The following AJAP1 variants were observed in gnomAD, a reference collection of about 807,000 sequenced individuals.
AJAP1 encodes adherens junctions associated protein 1, also known as adherens junction-associated protein 1.
A neutral mutation model predicts 35.0 loss-of-function variants in AJAP1; 5 were observed. The observed-to-expected ratio is 0.14, with a 90% CI of 0.07 to 0.30. The LOEUF is 0.30. Among genes scored for constraint, AJAP1 ranks in the 10% least tolerant of loss-of-function variants. AJAP1 has a pLI of 1.00. For missense variants in AJAP1, 586 were observed against 571.0 expected, an observed-to-expected ratio of 1.03 and a Z score of -0.27; for synonymous variants, 284 against 249.3, an observed-to-expected ratio of 1.14 and a Z score of -1.31.
At chr1:4,678,798 C>T (rs61093582) in intron 1 of AJAP1, among the ~76,000 whole-genome samples, 11,632 of 152,208 alleles carry the variant, frequency 0.076, 617 homozygotes, top group East Asian at 0.22. Flanking sequence ...TCCACCACTG[C>T]GGTCATTTGC....
At chr1:4,778,245 C>G (rs114904319) in intron 5 of AJAP1, among the ~76,000 whole-genome samples, 8 of 152,152 alleles carry the variant, frequency 5.3e-5, no homozygotes, top group Non-Finnish European at 1.0e-4. Flanking sequence ...CCCAGGGAAT[C>G]TCAGGTGGAC....
chr1:4,781,225 C>T (rs1315740660), intron 5 of AJAP1, among the ~76,000 whole-genome samples: 2 of 152,188 alleles, frequency 1.3e-5, no homozygotes, highest in Non-Finnish European at 2.9e-5. Context: ...CCCCTCCTCC[C>T]CAGTCCCAAC....
intron 2 of AJAP1, among the ~76,000 whole-genome samples, chr1:4,735,409 G>C (rs963769123): frequency 6.6e-6 from 1 of 152,186 alleles, no homozygotes; most frequent in Non-Finnish European, 1.5e-5. Context: ...TTGGGCCCCA[G>C]GTTTGGGACT....
chr1:4,767,237 C>T (rs1431646581), intron 2 of AJAP1, among the ~76,000 whole-genome samples: 1 of 152,154 alleles, frequency 6.6e-6, no homozygotes, highest in Non-Finnish European at 1.5e-5. Context: ...TCACCATCAT[C>T]ACCATCACCA....
At chr1:4,666,787 G>A (rs11584497) in intron 1 of AJAP1, among the ~76,000 whole-genome samples, 53,434 of 121,710 alleles carry the variant, frequency 0.44, 13,341 homozygotes, top group African/African-American at 0.56. Context: ...AGAGGGGCCC[G>A]TGAATCACGG....
At chr1:4,750,470 G>A (rs1041592430) in intron 2 of AJAP1, among the ~76,000 whole-genome samples, 2 of 152,202 alleles carry the variant, frequency 1.3e-5, no homozygotes, top group African/African-American at 2.4e-5. Context: ...GAAGTGAAAA[G>A]TGCATGTGGC....
At chr1:4,701,733 T>C (rs1639993492) in intron 1 of AJAP1, among the ~76,000 whole-genome samples, 1 of 152,224 alleles carries the variant, frequency 6.6e-6, no homozygotes, top group Non-Finnish European at 1.5e-5. Context: ...ACTGGTGATG[T>C]GTCTAAATGG....
At chr1:4,703,932 G>T (rs1261243572) in intron 1 of AJAP1, among the ~76,000 whole-genome samples, 1 of 152,198 alleles carries the variant, frequency 6.6e-6, no homozygotes, top group Non-Finnish European at 1.5e-5. Context: ...AGTGCAGGCT[G>T]TCTGCCCTCC....
chr1:4,742,309 C>T (rs548872812), intron 2 of AJAP1, among the ~76,000 whole-genome samples: 1 of 152,166 alleles, frequency 6.6e-6, no homozygotes, highest in Non-Finnish European at 1.5e-5. Context: ...AGTACGGCTT[C>T]GTGATTTTCT....
chr1:4,737,309 A>AC (rs1260631832), intron 2 of AJAP1, among the ~76,000 whole-genome samples: 1 of 151,850 alleles, frequency 6.6e-6, no homozygotes. Flanking sequence ...GAGTCCCTGG[A>AC]CAAGCCCCCG....
rs1388250863 is a variant in AJAP1, at chr1:4,720,015, G to A, written c.829+7316G>A. ...GAACCCTCTGCCCCACCTCTGCCCA[G>A]GAGTGGCCTGCATTGTGGATGTCTA... On this transcript the variant is annotated intron_variant, in intron 2 of 5. Coordinates refer to ENST00000378191, the MANE Select transcript of AJAP1 (RefSeq NM_018836.4). This position sits in a 1 kb window ranked among gnomAD's most constrained non-coding sequence, Gnocchi z 4.4. 6.6e-6 allele frequency among the ~76,000 whole-genome samples: 1 copy of A among 152,186 alleles called. No homozygotes were observed. Among genetic ancestry groups the A allele is most frequent in the Non-Finnish European group, 1.5e-5 (1 of 68,046 alleles).
At chr1:4,773,720 T>C (rs1441260103) in intron 4 of AJAP1, among the ~76,000 whole-genome samples, 1 of 152,184 alleles carries the variant, frequency 6.6e-6, no homozygotes, top group Admixed American at 6.5e-5. Context: ...TCACTGAATA[T>C]GTGGATGTTG....
intron 2 of AJAP1, among the ~76,000 whole-genome samples, chr1:4,756,661 G>A (rs145083791): frequency 6.1e-4 from 93 of 152,300 alleles, no homozygotes; most frequent in East Asian, 3.7e-3. Context: ...GGATTCAGAC[G>A]CTTAGGTTCT....
chr1:4,740,842 G>T (rs1039069684), intron 2 of AJAP1, among the ~76,000 whole-genome samples: 2 of 150,606 alleles, frequency 1.3e-5, no homozygotes, highest in Non-Finnish European at 1.5e-5. Flanking sequence ...TATCTTATGT[G>T]CATTTTATCA....
chr1:4,662,505 A>G (rs1214504564), intron 1 of AJAP1, among the ~76,000 whole-genome samples: 2 of 152,240 alleles, frequency 1.3e-5, no homozygotes, highest in East Asian at 3.9e-4. Context: ...GGTTGTTGGC[A>G]TGTTGGGGCT....
chr1:4,740,710 C>T (rs1325723658), intron 2 of AJAP1, among the ~76,000 whole-genome samples: 3 of 132,376 alleles, frequency 2.3e-5, no homozygotes, highest in South Asian at 2.6e-4. Flanking sequence ...GGCGGGAACC[C>T]GGGAGGAGGA....
intron 2 of AJAP1, among the ~76,000 whole-genome samples, chr1:4,762,804 G>A (rs550115865): frequency 2.2e-4 from 33 of 152,152 alleles, no homozygotes; most frequent in Non-Finnish European, 4.3e-4. Context: ...CTGGACTTGG[G>A]GAACATATTT....
At chr1:4,665,608 C>G (rs889405814) in intron 1 of AJAP1, among the ~76,000 whole-genome samples, 2 of 152,180 alleles carry the variant, frequency 1.3e-5, no homozygotes, top group Admixed American at 1.3e-4. Flanking sequence ...TTTTGTGGCA[C>G]CAGCCACGCA....
rs1046762319 is a variant in AJAP1, at chr1:4,764,325, G to C, written c.830-5528G>C. Among the ~76,000 whole-genome samples the C allele has an allele frequency of 7.9e-5, 12 of 152,292 alleles. No homozygotes were observed. The South Asian group carries it at 1.9e-3, about 24-fold the overall frequency. On this transcript the variant is annotated intron_variant, in intron 2 of 5. Transcript: ENST00000378191. ...GCCTTGTTCTGCTGTGAGCATCCCA[G>C]TTTTGGAAGATGCATTTTTTCTTAG...
Sources: allele counts gnomAD v4.1 joint callset (sites outside exome capture counted in the v4.1 genomes callset), GRCh38; gene constraint gnomAD v4.1.1; non-coding constraint Gnocchi (gnomAD v3.1); transcripts MANE v1.5; gene names NCBI Gene and HGNC (gene_info 2026-07-23, HGNC 2026-07-21).